PRDM16: variants seen among roughly 807,000 people sequenced by gnomAD.
PRDM16 encodes the protein PR/SET domain 16.
Under a neutral mutation model 110.6 loss-of-function variants are expected in PRDM16, and 23 were observed. The ratio of observed to expected loss-of-function variants is 0.21; its 90% CI spans 0.15 to 0.29. The LOEUF (loss-of-function observed/expected upper bound fraction) is 0.29. Among genes scored for constraint, PRDM16 ranks in the 10% least tolerant of loss-of-function variants. PRDM16 has a pLI of 1.00. For synonymous variants in PRDM16, 799 were observed against 781.8 expected (o/e 1.02, Z -0.37); for missense variants, 1,615 against 1,794.3 (o/e 0.90, Z 1.81).
At chr1:3,363,935 C>T (rs1466769453) in intron 3 of PRDM16, among the ~76,000 whole-genome samples, 2 of 152,190 alleles carry the variant, frequency 1.3e-5, no homozygotes, top group African/African-American at 4.8e-5. Context: ...CTACGCACAC[C>T]TCAGCCCTTC....
At chr1:3,357,562 C>T (rs988841368) in intron 3 of PRDM16, among the ~76,000 whole-genome samples, 1 of 139,172 alleles carries the variant, frequency 7.2e-6, no homozygotes, top group African/African-American at 3.4e-5. Flanking sequence ...CGCCGTTCCC[C>T]CCACGGGCCC....
At chr1:3,313,817 C>T (rs576288802) in intron 3 of PRDM16, among the ~76,000 whole-genome samples, 40 of 152,356 alleles carry the variant, frequency 2.6e-4, no homozygotes, top group Admixed American at 1.0e-3. Flanking sequence ...CTCACTCCTC[C>T]AGCAGGAAGC....
chr1:3,321,734 C>T (rs1207186798), intron 3 of PRDM16, among the ~76,000 whole-genome samples: 1 of 148,638 alleles, frequency 6.7e-6, no homozygotes, highest in Non-Finnish European at 1.5e-5. Context: ...GTGTGACGTA[C>T]ATGTGTGCGG....
Position 3,246,164 on chromosome 1 carries a change from C to A in PRDM16, c.438+2027C>A, listed in dbSNP as rs1639786180. On this transcript the variant is annotated intron_variant, in intron 3 of 16. Coordinates refer to ENST00000270722, the MANE Select transcript of PRDM16 (RefSeq NM_022114.4). The surrounding 1 kb of genome is among the most constrained non-coding windows in gnomAD (Gnocchi z 5.2). ...GGGCGCCGCCTTCTGTGCCTCTGGG[C>A]CACGGTGGGTTTGCCTTTGTGTCTT... is the stretch of plus-strand genomic sequence containing the variant. 3.3e-5 allele frequency among the ~76,000 whole-genome samples: 5 copies of A among 152,264 alleles called. No individual in the cohort carries two copies. In the South Asian group the frequency reaches 1.0e-3, roughly 32 times the overall value.
Position 3,411,443 on chromosome 1 carries a change from C to T in PRDM16, c.1246C>T (p.His416Tyr). The T allele has an allele frequency of 6.2e-7, 1 of 1,614,192 alleles. No individual in the cohort carries two copies. The highest frequency in any genetic ancestry group is 8.5e-7 in the Non-Finnish European group (1 of 1,180,024). ...FSNLCRHKRMHADCRTQIKCK... is the reference protein window; with the variant it reads ...FSNLCRHKRMYADCRTQIKCK... ...CAACCTGTGCCGGCACAAGCGGATG[C>T]ACGCCGACTGCCGCACGCAGATCAA... The change falls in exon 9 of 17, where the codon CAC becomes TAC. Residue 416 changes from histidine to tyrosine, a missense_variant. His to Tyr is a moderately conservative substitution (Grantham distance 83, BLOSUM62 2). This residue lies in a region of PRDM16 where 82 missense variants were observed against 144.4 expected (regional missense o/e 0.57). Coordinates refer to ENST00000270722, the MANE Select transcript of PRDM16 (RefSeq NM_022114.4).
In PRDM16 at chr1:3,069,629, G is replaced by A. The variant is rs1641697947; in HGVS notation, c.37+333G>A. 6.6e-6 allele frequency among the ~76,000 whole-genome samples: 1 copy of A among 151,142 alleles called. No homozygotes were observed. Among genetic ancestry groups the A allele is most frequent in the African/African-American group, 2.4e-5 (1 of 41,346 alleles). ...GGGAGGGGGGCGGAGGGGGAGGGCC[G>A]GGGGTGGAGGGGAGCGAAAAGTGAA... On this transcript the variant is annotated intron_variant, in intron 1 of 16. Transcript: ENST00000270722. The surrounding 1 kb of genome is among the most constrained non-coding windows in gnomAD (Gnocchi z 6.1).
At chr1:3,384,467 C>T (rs919120563) in intron 3 of PRDM16, among the ~76,000 whole-genome samples, 132 of 152,196 alleles carry the variant, frequency 8.7e-4, no homozygotes, top group African/African-American at 3.0e-3. Flanking sequence ...ATCGGTGGTC[C>T]TCGGAGGAGT....
At chr1:3,171,261 C>T (rs569844003) in intron 1 of PRDM16, among the ~76,000 whole-genome samples, 4 of 152,196 alleles carry the variant, frequency 2.6e-5, no homozygotes, top group African/African-American at 7.2e-5. Context: ...TGGTGGCGGT[C>T]GGCTGTTACG....
rs1638948068 is a variant in PRDM16, at chr1:3,437,755, AT to A, written c.*3945del. The A allele has an allele frequency of 1.4e-5, 3 of 213,316 alleles. No homozygotes were observed. The highest frequency in any genetic ancestry group is 2.3e-5 in the African/African-American group (1 of 44,126). The allele number at this position is 213,316 out of a possible 1,614,324, so 13.2% of individuals were successfully genotyped here. ...TCCGTATTACCACTTTTGGAAAAAA[AT>A]AAATAAATAAATAAATAAAAGGCAG... On this transcript the variant is annotated 3_prime_UTR_variant, in exon 17 of 17. Transcript: ENST00000270722.
chr1:3,233,804 C>G (rs959634282), intron 2 of PRDM16, among the ~76,000 whole-genome samples: 2 of 151,768 alleles, frequency 1.3e-5, no homozygotes, highest in South Asian at 4.2e-4. Flanking sequence ...TGCATTCTTG[C>G]GTCTCCAGGC....
Position 3,436,925 on chromosome 1 carries a change from C to T in PRDM16, c.*3114C>T, listed in dbSNP as rs1159787287. On this transcript the variant is annotated 3_prime_UTR_variant, in exon 17 of 17. Transcript: ENST00000270722. ...AACCCCCATCCCCCAAATGGAAATT[C>T]CGAAGGAGGCCTCCTCGCACCTGCC... 1.3e-5 allele frequency: 3 copies of T among 231,964 alleles called. No individual in the cohort carries two copies. The highest frequency in any genetic ancestry group is 1.1e-4 in the Admixed American group (2 of 17,710). The allele number at this position is 231,964 out of a possible 1,614,324, so 14.4% of individuals were successfully genotyped here. A position where few individuals can be genotyped will look rare whatever the true frequency, so the allele number is the denominator to read the frequency against.
chr1:3,280,040 C>A (rs1640679360), intron 3 of PRDM16, among the ~76,000 whole-genome samples: 1 of 149,634 alleles, frequency 6.7e-6, no homozygotes, highest in African/African-American at 2.5e-5. Flanking sequence ...TTTTGTAAAA[C>A]AAGCAGGGTG....
intron 1 of PRDM16, among the ~76,000 whole-genome samples, chr1:3,084,306 C>T (rs1262505893): frequency 6.6e-6 from 1 of 152,156 alleles, no homozygotes; most frequent in East Asian, 1.9e-4. Context: ...CAGGGGCCGC[C>T]TCTGGCCCTT....
Position 3,425,475 on chromosome 1 carries a change from A to G in PRDM16, c.2940-106A>G. The G allele has an allele frequency of 8.0e-7, 1 of 1,243,042 alleles. No individual in the cohort carries two copies. The highest frequency in any genetic ancestry group is 1.1e-6 in the Non-Finnish European group (1 of 889,894). The allele number at this position is 1,243,042 out of a possible 1,614,324, so 77.0% of individuals were successfully genotyped here. ...GGGACACGGCGGGGCAAAGCTGTGC[A>G]CGGGGCACGGGGCAGGGGCGCGGGC... is the stretch of plus-strand genomic sequence containing the variant. On this transcript the variant is annotated intron_variant, in intron 12 of 16. Transcript: ENST00000270722. The surrounding 1 kb of genome is among the most constrained non-coding windows in gnomAD (Gnocchi z 6.9).
intron 3 of PRDM16, among the ~76,000 whole-genome samples, chr1:3,374,919 T>C (rs1252986837): frequency 6.6e-6 from 1 of 152,276 alleles, no homozygotes; most frequent in East Asian, 1.9e-4. Context: ...TGGCCCGAAG[T>C]GGCCGCCACA....
At position 3,181,705 on chromosome 1, in the gene PRDM16, GTCTTACACACGC is replaced by G. The variant is rs1452880492; in HGVS notation, c.38-4419_38-4408del. 4.2e-3 allele frequency among the ~76,000 whole-genome samples: 269 copies of G among 64,128 alleles called. 7 individuals carry two copies. Among genetic ancestry groups the G allele is most frequent in the African/African-American group, 0.016 (240 of 15,458 alleles). The allele number at this position is 64,128 out of a possible 152,430, so 42.1% of individuals were successfully genotyped here. ...AGTCTTACACACGGTCTTACACACGGTCTTACACACGCAGTCTTACACACGGTCTTACACACG... is the reference window on the plus strand; with the variant it reads ...AGTCTTACACACGGTCTTACACACGGAGTCTTACACACGGTCTTACACACG... On this transcript the variant is annotated intron_variant, in intron 1 of 16. Transcript: ENST00000270722.
At chr1:3,321,699 G>A (rs761456138) in intron 3 of PRDM16, among the ~76,000 whole-genome samples, 57 of 151,452 alleles carry the variant, frequency 3.8e-4, no homozygotes, top group Admixed American at 8.5e-4. Flanking sequence ...ACGTGTGTGT[G>A]CTTTGTGTGG....
At chr1:3,346,734 G>A (rs1642370418) in intron 3 of PRDM16, among the ~76,000 whole-genome samples, 1 of 152,172 alleles carries the variant, frequency 6.6e-6, no homozygotes, top group African/African-American at 2.4e-5. Context: ...GTGCCCAACA[G>A]CACCCACCCC....
rs1172383270 is a variant in PRDM16 at position 3,223,103 on chromosome 1, CTTTTTTTTTTTT to C, written c.388-20970_388-20959del. Among the ~76,000 whole-genome samples the C allele has an allele frequency of 6.6e-4, 49 of 73,998 alleles. 1 individual carries two copies. In the East Asian group the frequency reaches 0.014, roughly 21 times the overall value. 48.5% of individuals were successfully genotyped at this position (73,998 alleles called of 152,430 possible). A position where few individuals can be genotyped will look rare whatever the true frequency, so the allele number is the denominator to read the frequency against. ...GCCTCCGCCGTGGCCAAAATCAAGG[CTTTTTTTTTTTT>C]TTTTTTTTTTTTTGAGACAGAGTCT... On this transcript the variant is annotated intron_variant, in intron 2 of 16. Transcript: ENST00000270722.
Sources: gnomAD v4.1 joint callset for allele counts (sites outside exome capture counted in the v4.1 genomes callset) on GRCh38, gnomAD v4.1.1 for gene constraint, gnomAD v4.1.1 regional missense constraint, Gnocchi (gnomAD v3.1) non-coding constraint, MANE v1.5 for transcripts, NCBI Gene and HGNC (gene_info 2026-07-23, HGNC 2026-07-21) for gene names.